LILRA5: variants seen among roughly 807,000 people sequenced by gnomAD.
LILRA5 encodes the protein leukocyte immunoglobulin-like receptor subfamily A member 5.
In LILRA5, 31 loss-of-function variants were observed where a neutral mutation model predicts 36.3. That is an observed-to-expected ratio of 0.85 (90% CI 0.64 to 1.15). LILRA5 has a LOEUF of 1.15. LILRA5 is among the 50% of genes most tolerant of loss of function. The probability of loss-of-function intolerance (pLI) is 0.00; values close to 1 mark genes in which losing one functional copy is unlikely to be tolerated. For synonymous variants in LILRA5, 144 were observed against 144.8 expected, an observed-to-expected ratio of 0.99 and a Z score of 0.04; for missense variants, 348 against 377.4, an observed-to-expected ratio of 0.92 and a Z score of 0.64.
chr19:54,312,863 C>T (rs2147858927), intron 1 of LILRA5, 154 bp downstream of exon 1: 1 of 969,600 alleles, frequency 1.0e-6, no homozygotes, highest in South Asian at 1.4e-5. Flanking sequence ...ATCTTTATCT[C>T]ACTGAGAGCC....
In LILRA5 at chr19:54,307,325, G is replaced by A. The variant is rs1396603155; in HGVS notation, c.*88C>T. On this transcript the variant is annotated 3_prime_UTR_variant, in exon 7 of 7. Coordinates refer to ENST00000432233, the MANE Select transcript of LILRA5 (RefSeq NM_021250.4). ...CCAGCAGACAGTCCAGATGGCATAG[G>A]CCTCAGATGGTCTTCCCGAACCTCC... 1.5e-6 allele frequency: 2 copies of A among 1,322,102 alleles called. No individual in the cohort carries two copies. Among genetic ancestry groups the A allele is most frequent in the Non-Finnish European group, 2.1e-6 (2 of 973,272 alleles). The allele number at this position is 1,322,102 out of a possible 1,614,324, so 81.9% of individuals were successfully genotyped here.
intron 5 of LILRA5, chr19:54,310,739 G>T: frequency 3.1e-6 from 1 of 324,702 alleles, no homozygotes; most frequent in South Asian, 2.5e-5. Context: ...CAGTGGAGGA[G>T]GTCACGTCTG....
intron 5 of LILRA5, 188 bp from the exon 6 acceptor site, chr19:54,307,936 T>G (rs535647691): frequency 1.2e-5 from 7 of 597,304 alleles, no homozygotes; most frequent in African/African-American, 1.1e-4. Context: ...TATTTCAGCT[T>G]TCCTTTGTTC....
intron 3 of LILRA5, 80 bp from the exon 4 acceptor site, chr19:54,312,228 G>T: frequency 1.2e-6 from 2 of 1,611,532 alleles, no homozygotes; most frequent in South Asian, 1.1e-5. Flanking sequence ...CCCTCCAGAC[G>T]TCCCCATCAA....
chr19:54,307,782 G>A (rs2080910735), intron 5 of LILRA5, 34 bp from the exon 6 acceptor site: 1 of 1,599,104 alleles, frequency 6.3e-7, no homozygotes, highest in South Asian at 1.1e-5. Flanking sequence ...GGAAGGAGAA[G>A]TTCTTGAAGC....
chr19:54,312,754 G>A (rs2081050464), intron 1 of LILRA5, 133 bp from the exon 2 acceptor site: 1 of 950,834 alleles, frequency 1.1e-6, no homozygotes, highest in African/African-American at 1.6e-5. Context: ...TTTCCCCAGG[G>A]CTGAAGTGAA....
chr19:54,312,344 C>A lies in LILRA5; in HGVS notation c.115G>T (p.Val39Leu). 6.2e-7 allele frequency: 1 copy of A among 1,614,216 alleles called. No homozygotes were observed. Among genetic ancestry groups the A allele is most frequent in the Non-Finnish European group, 8.5e-7 (1 of 1,180,042 alleles). The change falls in exon 3 of 7, where the codon GTG (valine) becomes TTG (leucine). Residue 39 changes from valine to leucine, a missense_variant. Physicochemically the swap from Val to Leu is conservative, Grantham distance 32. Coordinates refer to ENST00000432233, the MANE Select transcript of LILRA5 (RefSeq NM_021250.4). ...CTGGGGACAGACTCACCTGCCTGCA[C>A]GTGGGTCCTGGGGCCCAGACTCAGC... ...LGLSLGPRTH[V>L]QAGNLSKATL... is the part of the protein sequence containing the mutation.
At position 54,311,481 on chromosome 19, in the gene LILRA5, A is replaced by T. The variant is rs772158044; in HGVS notation, c.645T>A (p.Tyr215Ter). 2.3e-5 allele frequency: 37 copies of T among 1,614,074 alleles called. No individual in the cohort carries two copies. Among genetic ancestry groups the T allele is most frequent in the Non-Finnish European group, 3.1e-5 (37 of 1,180,038 alleles). ...TPSHRWMLRC[Y>*]GSRRHILQVW... Reference sequence around the variant, plus strand: ...CCTGCAGGATATGCCTGCGAGAGCCATAGCATCTGAGCATCCACCTGTGGC... The same window carrying T: ...CCTGCAGGATATGCCTGCGAGAGCCTTAGCATCTGAGCATCCACCTGTGGC... Residue 215 changes from tyrosine (Y) to a stop codon, truncating the protein, a stop_gained, in exon 5 of 7, where the codon TAT (tyrosine) becomes TAA (stop). Transcript: ENST00000432233. LOFTEE classifies it high-confidence loss of function.
chr19:54,311,951 C>A lies in LILRA5; in HGVS notation c.322G>T (p.Glu108Ter). The change falls in exon 4 of 7, where the codon GAG (glutamate) becomes TAG (stop). Residue 108 changes from glutamate (E) to a stop codon, truncating the protein, a stop_gained. Transcript: ENST00000432233. LOFTEE classifies it high-confidence loss of function. ...CAGCGGTATCTCCCTGCATGGTGCT[C>A]TGTCATGGATGGGATGGAGAATCTG... ...KARFSIPSMT[E>*]HHAGRYRCYY... 1 of 1,614,140 alleles carries A rather than the reference C, an allele frequency of 6.2e-7. No homozygotes were observed.
chr19:54,312,289 TC>T (rs2081038694), intron 3 of LILRA5, 45 bp downstream of exon 3: 1 of 1,613,920 alleles, frequency 6.2e-7, no homozygotes, highest in Non-Finnish European at 8.5e-7. Flanking sequence ...TGGCCCTTTG[TC>T]CCCATTGAGG....
In LILRA5 at chr19:54,309,986, C is replaced by A. The variant is rs915303945; in HGVS notation, c.712+1428G>T. The A allele has an allele frequency of 3.3e-5, 10 of 303,636 alleles. No homozygotes were observed. In the East Asian group the frequency reaches 7.2e-4, roughly 22 times the overall value. 18.8% of individuals were successfully genotyped at this position (303,636 alleles called of 1,614,324 possible). The stretch of plus-strand genomic sequence containing the variant: ...ACAGGAGGGGCGGTGTGAGTGGTAC[C>A]CACAGCTGGGGCGCTTCTCTCTAAA... On this transcript the variant is annotated intron_variant, in intron 5 of 6. Coordinates refer to ENST00000432233, the MANE Select transcript of LILRA5 (RefSeq NM_021250.4).
rs1007495482 is a variant in LILRA5 at position 54,308,173 on chromosome 19, C to T, written c.713-425G>A. On this transcript the variant is annotated intron_variant, in intron 5 of 6. Coordinates refer to ENST00000432233, the MANE Select transcript of LILRA5 (RefSeq NM_021250.4). ...TGGATGACGGGTTGGTCCTCAGGGG[C>T]TCCTGAAAGTCAGAATCACAAACAG... 5.2e-5 allele frequency: 9 copies of T among 172,454 alleles called. 1 individual carries two copies. Among genetic ancestry groups the T allele is most frequent in the Non-Finnish European group, 3.8e-5 (3 of 79,170 alleles). 10.7% of individuals were successfully genotyped at this position (172,454 alleles called of 1,614,324 possible).
chr19:54,308,376 T>C (rs1285746637), intron 5 of LILRA5: 3 of 49,412 alleles, frequency 6.1e-5, no homozygotes, highest in Non-Finnish European at 1.0e-4. Flanking sequence ...TATATATATA[T>C]ATATATATAT....
At chr19:54,308,008 C>G (rs1017812822) in intron 5 of LILRA5, 52 of 502,640 alleles carry the variant, frequency 1.0e-4, no homozygotes, top group African/African-American at 9.4e-4. Context: ...CGTGAAAGCT[C>G]AGGATCTGCA....
At chr19:54,312,970 C>G (rs2081054929) in intron 1 of LILRA5, 47 bp downstream of exon 1, 4 of 1,613,960 alleles carry the variant, frequency 2.5e-6, no homozygotes, top group Admixed American at 1.7e-5. Flanking sequence ...TGGGGTCTCC[C>G]TCCCTCCTTC....
chr19:54,309,923 C>T (rs2080973700), intron 5 of LILRA5: 1 of 171,572 alleles, frequency 5.8e-6, no homozygotes, highest in Admixed American at 6.4e-5. Context: ...CCTCCTTTGT[C>T]TCAGGGGTGC....
Position 54,313,118 on chromosome 19 carries a change from T to G in LILRA5, c.-99A>C, listed in dbSNP as rs2147859695. 7.3e-7 allele frequency: 1 copy of G among 1,377,064 alleles called. No homozygotes were observed. The highest frequency in any genetic ancestry group is 1.0e-6 in the Non-Finnish European group (1 of 971,448). The allele number at this position is 1,377,064 out of a possible 1,614,324, so 85.3% of individuals were successfully genotyped here. A position where few individuals can be genotyped will look rare whatever the true frequency, so the allele number is the denominator to read the frequency against. ...CAGAGACACATCTGACACCTGGCTG[T>G]GTAGCCCAGGCTGAGCTGCATGTGG... On this transcript the variant is annotated 5_prime_UTR_variant, in exon 1 of 7. Coordinates refer to ENST00000432233, the MANE Select transcript of LILRA5 (RefSeq NM_021250.4).
chr19:54,310,473 G>A (rs1218250021), intron 5 of LILRA5: 1 of 153,656 alleles, frequency 6.5e-6, no homozygotes, highest in Non-Finnish European at 1.5e-5. Flanking sequence ...TTCGTCTCAC[G>A]AACCTCAGAC....
At chr19:54,311,059 G>A (rs777520080) in intron 5 of LILRA5, 9 of 327,784 alleles carry the variant, frequency 2.7e-5, no homozygotes, top group East Asian at 1.5e-4. Flanking sequence ...GGGTTCGAGC[G>A]ATTCTCCTGC....
Sources: gnomAD v4.1 joint callset for allele counts on GRCh38, gnomAD v4.1.1 for gene constraint, MANE v1.5 for transcripts, NCBI Gene and HGNC (gene_info 2026-07-23, HGNC 2026-07-21) for gene names.